Variants in SCHIP1 observed in about 807,000 individuals in gnomAD.
SCHIP1 encodes the protein schwannomin-interacting protein 1.
Under a neutral mutation model 29.7 loss-of-function variants are expected in SCHIP1, and 8 were observed. The observed-to-expected ratio is 0.27, with a 90% CI of 0.16 to 0.49. The LOEUF is 0.49. SCHIP1 is among the 20% of genes least tolerant of loss of function. The pLI is 0.99. For synonymous variants in SCHIP1, 76 were observed against 94.9 expected, an observed-to-expected ratio of 0.80 and a Z score of 1.16; for missense variants, 193 against 294.6, an observed-to-expected ratio of 0.66 and a Z score of 2.52.
At chr3:159,742,348 T>C in the SCHIP1 span, among the ~76,000 whole-genome samples, 3 of 152,192 alleles carry the variant, frequency 2.0e-5, no homozygotes, top group African/African-American at 7.2e-5. Flanking sequence ...GAATCTCCAG[T>C]GGTATCCCCT....
chr3:159,662,399 T>C, the SCHIP1 span, among the ~76,000 whole-genome samples: 1 of 152,224 alleles, frequency 6.6e-6, no homozygotes, highest in Admixed American at 6.5e-5. Context: ...TGTGCAGCAC[T>C]GAGGAATGAG....
At chr3:159,847,216 C>T (rs1384743287) in intron 1 of SCHIP1, among the ~76,000 whole-genome samples, 1 of 152,146 alleles carries the variant, frequency 6.6e-6, no homozygotes, top group Non-Finnish European at 1.5e-5. Context: ...TTGATGCTTG[C>T]TTGAAAGTAG....
At chr3:159,813,512 G>C in the SCHIP1 span, among the ~76,000 whole-genome samples, 1 of 152,010 alleles carries the variant, frequency 6.6e-6, no homozygotes, top group Non-Finnish European at 1.5e-5. Context: ...GCAACCTGGG[G>C]AGACCCCGTC....
chr3:159,863,901 G>T lies in SCHIP1; in HGVS notation c.31-2262G>T, dbSNP rs181458247. On this transcript the variant is annotated intron_variant, in intron 1 of 6. Transcript: ENST00000445224. ...AAGAAAGATAGACATGGAATCAAGGGTATATTCACACATTCATACCCTGGG... is the reference window on the plus strand; with the variant it reads ...AAGAAAGATAGACATGGAATCAAGGTTATATTCACACATTCATACCCTGGG... 5.5e-3 allele frequency among the ~76,000 whole-genome samples: 839 copies of T among 152,246 alleles called. 5 individuals carry two copies. Among genetic ancestry groups the T allele is most frequent in the Non-Finnish European group, 9.1e-3 (621 of 68,018 alleles).
chr3:159,485,158 C>T, the SCHIP1 span, among the ~76,000 whole-genome samples: 3 of 152,128 alleles, frequency 2.0e-5, no homozygotes, highest in Non-Finnish European at 4.4e-5. Context: ...TCCTGGATAT[C>T]CACACTTTCC....
At chr3:159,607,334 T>A in the SCHIP1 span, among the ~76,000 whole-genome samples, 1 of 152,210 alleles carries the variant, frequency 6.6e-6, no homozygotes, top group African/African-American at 2.4e-5. Flanking sequence ...GCAGAATTTT[T>A]TTTTGCTTAA....
At chr3:159,545,662 A>G in the SCHIP1 span, among the ~76,000 whole-genome samples, 2 of 147,910 alleles carry the variant, frequency 1.4e-5, no homozygotes, top group Non-Finnish European at 3.0e-5. Flanking sequence ...TACAAGATAT[A>G]TATGTATATA....
At chr3:159,304,818 T>C in the SCHIP1 span, among the ~76,000 whole-genome samples, 1 of 152,170 alleles carries the variant, frequency 6.6e-6, no homozygotes, top group African/African-American at 2.4e-5. Flanking sequence ...CATCACTTCC[T>C]GCCTTAGAGG....
the SCHIP1 span, among the ~76,000 whole-genome samples, chr3:159,815,243 T>TC: frequency 6.6e-6 from 1 of 152,204 alleles, no homozygotes; most frequent in Non-Finnish European, 1.5e-5. Context: ...TCGGAAGAGT[T>TC]CCCAGTGATG....
the SCHIP1 span, among the ~76,000 whole-genome samples, chr3:159,810,257 G>T: frequency 6.6e-6 from 1 of 152,120 alleles, no homozygotes; most frequent in East Asian, 1.9e-4. Context: ...ATGTTGGCCA[G>T]GCTAGTCTTG....
chr3:159,273,780 A>G, the SCHIP1 span: 9 of 1,609,914 alleles, frequency 5.6e-6, no homozygotes, highest in South Asian at 2.2e-5. Flanking sequence ...TGAATAAACA[A>G]CTCTTCCCTC....
the SCHIP1 span, among the ~76,000 whole-genome samples, chr3:159,739,649 G>A: frequency 1.3e-5 from 2 of 151,982 alleles, no homozygotes; most frequent in African/African-American, 2.4e-5. Context: ...TCAAATGCAA[G>A]TCCTTATCTT....
At chr3:159,564,336 T>C in the SCHIP1 span, among the ~76,000 whole-genome samples, 1 of 152,078 alleles carries the variant, frequency 6.6e-6, no homozygotes, top group South Asian at 2.1e-4. Context: ...ATGCTCCATT[T>C]TGGGTACTTT....
the SCHIP1 span, among the ~76,000 whole-genome samples, chr3:159,550,127 T>A: frequency 9.5e-6 from 1 of 105,380 alleles, no homozygotes; most frequent in South Asian, 4.6e-4. Context: ...ATCTTAATTA[T>A]CTTTCTTTTT....
the SCHIP1 span, among the ~76,000 whole-genome samples, chr3:159,330,811 G>A: frequency 2.0e-5 from 3 of 152,108 alleles, no homozygotes; most frequent in African/African-American, 7.2e-5. Flanking sequence ...AAAGGAACTG[G>A]TCCCTATTAA....
the SCHIP1 span, among the ~76,000 whole-genome samples, chr3:159,426,411 T>C: frequency 2.6e-4 from 39 of 152,218 alleles, no homozygotes; most frequent in African/African-American, 3.9e-4. Context: ...AACACCTCTA[T>C]GCAAATAAAC....
chr3:159,286,633 T>C, the SCHIP1 span, among the ~76,000 whole-genome samples: 3 of 152,180 alleles, frequency 2.0e-5, no homozygotes, highest in South Asian at 6.2e-4. Flanking sequence ...CTTCGAGTTC[T>C]TTGAGAAATG....
the SCHIP1 span, among the ~76,000 whole-genome samples, chr3:159,394,360 G>C: frequency 6.6e-6 from 1 of 152,050 alleles, no homozygotes; most frequent in South Asian, 2.1e-4. Flanking sequence ...TGTTGAATAG[G>C]AGTGGTGAGA....
the SCHIP1 span, among the ~76,000 whole-genome samples, chr3:159,650,651 T>C: frequency 3.3e-5 from 5 of 152,172 alleles, no homozygotes; most frequent in Admixed American, 6.6e-5. Context: ...TACAAAGCTG[T>C]TTATTGCATT....
Sources: allele counts gnomAD v4.1 joint callset (sites outside exome capture counted in the v4.1 genomes callset), GRCh38; gene constraint gnomAD v4.1.1; transcripts MANE v1.5; gene names NCBI Gene and HGNC (gene_info 2026-07-23, HGNC 2026-07-21).